C2CD2: variants seen among roughly 807,000 people sequenced by gnomAD.
The protein encoded by C2CD2 is C2 calcium dependent domain containing 2.
In C2CD2, 43 loss-of-function variants were observed where a neutral mutation model predicts 74.3. The observed-to-expected ratio is 0.58, with a 90% CI of 0.45 to 0.75. The LOEUF is 0.75. Among genes scored for constraint, C2CD2 ranks in the 30% least tolerant of loss-of-function variants. The pLI, the probability that C2CD2 is intolerant of heterozygous loss-of-function variation, is 0.00. For synonymous variants in C2CD2, 422 were observed against 390.7 expected, an observed-to-expected ratio of 1.08 and a Z score of -0.94; for missense variants, 801 against 916.3, an observed-to-expected ratio of 0.87 and a Z score of 1.63.
intron 1 of C2CD2, among the ~76,000 whole-genome samples, chr21:41,944,080 G>A (rs576336235): frequency 3.7e-4 from 57 of 152,264 alleles, no homozygotes; most frequent in African/African-American, 1.2e-3. Flanking sequence ...AGGATGCAGC[G>A]GAGAAACAAT....
In C2CD2 at chr21:41,888,836, C is replaced by T. The variant is rs2064712999; in HGVS notation, c.*288G>A. The stretch of plus-strand genomic sequence containing the variant: ...ATTATTTCACTTATAATGTTAATCT[C>T]CTTCTAATATTGAACCCTAACCCTT... On this transcript the variant is annotated 3_prime_UTR_variant, in exon 14 of 14. Coordinates refer to ENST00000380486, the MANE Select transcript of C2CD2 (RefSeq NM_015500.2). 3 of 483,604 alleles carry T rather than the reference C, an allele frequency of 6.2e-6. No homozygotes were observed. The highest frequency in any genetic ancestry group is 3.3e-5 in the Admixed American group (1 of 29,968). 30.0% of individuals were successfully genotyped at this position (483,604 alleles called of 1,614,324 possible). A position where few individuals can be genotyped will look rare whatever the true frequency, so the allele number is the denominator to read the frequency against.
intron 2 of C2CD2, among the ~76,000 whole-genome samples, chr21:41,936,909 C>T (rs1445510891): frequency 6.8e-6 from 1 of 148,110 alleles, no homozygotes; most frequent in Non-Finnish European, 1.5e-5. Flanking sequence ...ACATCCACCT[C>T]CTGGGTTCAA....
chr21:41,901,427 G>A, intron 12 of C2CD2, 195 bp downstream of exon 12: 1 of 645,162 alleles, frequency 1.5e-6, no homozygotes, highest in Non-Finnish European at 2.8e-6. Context: ...CCATGTCCTT[G>A]GTGAATAGGA....
At position 41,926,390 on chromosome 21, in the gene C2CD2, AG is replaced by A; in HGVS notation, c.379-4306del. 1.0e-6 allele frequency: 1 copy of A among 979,024 alleles called. No homozygotes were observed. Among genetic ancestry groups the A allele is most frequent in the Non-Finnish European group, 1.2e-6 (1 of 824,216 alleles). The allele number at this position is 979,024 out of a possible 1,614,324, so 60.6% of individuals were successfully genotyped here. ...TCAGGGTCTCCACATGGAAAGGCCA[AG>A]GGGGGACTCACGGTTGGCAGGTGAG... On this transcript the variant is annotated intron_variant, in intron 2 of 13. Coordinates refer to ENST00000380486, the MANE Select transcript of C2CD2 (RefSeq NM_015500.2). The surrounding 1 kb of genome is among the most constrained non-coding windows in gnomAD (Gnocchi z 8.0).
rs531903575 is a variant in C2CD2 at position 41,939,615 on chromosome 21, C to T, written c.378+2532G>A. ...TGGAGCACCTGCCGCAGGGCCCTCC[C>T]AGCTCTCCAGGCTGTGCCAGTCTCA... On this transcript the variant is annotated intron_variant, in intron 2 of 13. Coordinates refer to ENST00000380486, the MANE Select transcript of C2CD2 (RefSeq NM_015500.2). The surrounding 1 kb of genome is among the most constrained non-coding windows in gnomAD (Gnocchi z 5.5). Among the ~76,000 whole-genome samples the T allele has an allele frequency of 6.6e-6, 1 of 152,218 alleles. No individual in the cohort carries two copies. Among genetic ancestry groups the T allele is most frequent in the African/African-American group, 2.4e-5 (1 of 41,462 alleles).
intron 6 of C2CD2, among the ~76,000 whole-genome samples, chr21:41,913,090 C>T (rs997725212): frequency 6.6e-6 from 1 of 152,238 alleles, no homozygotes; most frequent in Non-Finnish European, 1.5e-5. Flanking sequence ...GGCATGGTCC[C>T]CACTTTTAGA....
At chr21:41,891,001 T>G (rs2064746334) in intron 13 of C2CD2, among the ~76,000 whole-genome samples, 1 of 152,224 alleles carries the variant, frequency 6.6e-6, no homozygotes, top group Admixed American at 6.5e-5. Flanking sequence ...CCATAATTTT[T>G]TAAAAACTTG....
intron 6 of C2CD2, among the ~76,000 whole-genome samples, chr21:41,914,236 A>G (rs1320154501): frequency 6.6e-6 from 1 of 151,818 alleles, no homozygotes; most frequent in Non-Finnish European, 1.5e-5. Context: ...CAAAAAAAAG[A>G]AAGCAGAAGC....
intron 5 of C2CD2, among the ~76,000 whole-genome samples, chr21:41,915,975 C>T (rs911579759): frequency 1.4e-4 from 21 of 152,026 alleles, no homozygotes; most frequent in African/African-American, 5.1e-4. Context: ...TTTGACTGAG[C>T]ACTGATTTGA....
At position 41,907,002 on chromosome 21, in the gene C2CD2, C is replaced by T. The variant is rs765816564; in HGVS notation, c.1308G>A (p.Pro436=). The stretch of plus-strand genomic sequence containing the variant: ...TTCCTGTTGTCTCACCAGAGCTCAG[C>T]GGGGACGCCCTCCCCACGTCGACGC... ...KPRVDVGRAS[P]LSSDSPVKTP... is the part of the protein sequence containing the mutation. The change falls in exon 10 of 14, where the codon CCG becomes CCA. Residue 436 remains proline, a synonymous_variant. Transcript: ENST00000380486. The T allele has an allele frequency of 1.2e-5, 19 of 1,612,990 alleles. No individual in the cohort carries two copies. In the Middle Eastern group the frequency reaches 6.9e-4, roughly 58 times the overall value.
rs202167715 is a variant in C2CD2 at position 41,889,146 on chromosome 21, G to A, written c.2069C>T (p.Ala690Val). The stretch of plus-strand genomic sequence containing the variant: ...GCCCTACGTGCAGGGCTCCACGGGG[G>A]CACCGTTCATGGTGTTCTTGTTTCT... Reference protein sequence around the residue: ...RHRNKNTMNGAPVEPCT With the variant: ...RHRNKNTMNGVPVEPCT Residue 690 changes from alanine to valine, a missense_variant, in exon 14 of 14, where the codon GCC (alanine) becomes GTC (valine). Ala to Val is a moderately conservative substitution (Grantham distance 64, BLOSUM62 0). Transcript: ENST00000380486. 8.7e-6 allele frequency: 14 copies of A among 1,612,262 alleles called. No homozygotes were observed. The highest frequency in any genetic ancestry group is 1.0e-5 in the Non-Finnish European group (12 of 1,179,952).
In C2CD2 at chr21:41,899,367, CA is replaced by C. The variant is rs986471046; in HGVS notation, c.1561-6del. 2.5e-6 allele frequency: 4 copies of C among 1,602,676 alleles called. No homozygotes were observed. Among genetic ancestry groups the C allele is most frequent in the South Asian group, 1.1e-5 (1 of 90,926 alleles). Reference sequence around the variant, plus strand: ...GTGGTCCTGAGATAGTGAGGTCTGTCAGGGGCAGTGGGGAAGATGACAAGGG... The same window carrying C: ...GTGGTCCTGAGATAGTGAGGTCTGTCGGGGCAGTGGGGAAGATGACAAGGG... On this transcript the variant is annotated splice_region_variant and splice_polypyrimidine_tract_variant and intron_variant, in intron 12 of 13. Transcript: ENST00000380486. This position sits in a 1 kb window ranked among gnomAD's most constrained non-coding sequence, Gnocchi z 4.4.
rs1439596747 is a variant in C2CD2, at chr21:41,899,975, C to T, written c.1561-613G>A. ...GAGGGCATGGGGGCTCCCTGAGGGC[C>T]AGTCATGCTGTTCTTGGTGTGGGTG... On this transcript the variant is annotated intron_variant, in intron 12 of 13. Transcript: ENST00000380486. This position sits in a 1 kb window ranked among gnomAD's most constrained non-coding sequence, Gnocchi z 4.4. Among the ~76,000 whole-genome samples, 4 of 151,990 alleles carry T rather than the reference C, an allele frequency of 2.6e-5. No homozygotes were observed. Among genetic ancestry groups the T allele is most frequent in the Non-Finnish European group, 5.9e-5 (4 of 68,002 alleles).
Position 41,895,475 on chromosome 21 carries a change from TC to T in C2CD2, c.1870+3577del, listed in dbSNP as rs2064811630. On this transcript the variant is annotated intron_variant, in intron 13 of 13. Coordinates refer to ENST00000380486, the MANE Select transcript of C2CD2 (RefSeq NM_015500.2). This position sits in a 1 kb window ranked among gnomAD's most constrained non-coding sequence, Gnocchi z 5.0. ...GACTACTTGACTCCAGGCTACCTTC[TC>T]TACGCCAACAGCAAGAAGCGAGATT... Among the ~76,000 whole-genome samples, 1 of 152,208 alleles carries T rather than the reference TC, an allele frequency of 6.6e-6. No homozygotes were observed. The highest frequency in any genetic ancestry group is 2.4e-5 in the African/African-American group (1 of 41,446).
Position 41,888,353 on chromosome 21 carries a change from T to C in C2CD2, c.*771A>G, listed in dbSNP as rs1249304637. ...AGGAAAAAAAACCCTGGATGTCAAC[T>C]GCTCCACTAGCATTATTAGAGCTTT... is the stretch of plus-strand genomic sequence containing the variant. On this transcript the variant is annotated 3_prime_UTR_variant, in exon 14 of 14. Coordinates refer to ENST00000380486, the MANE Select transcript of C2CD2 (RefSeq NM_015500.2). 6.6e-6 allele frequency: 1 copy of C among 152,624 alleles called. No individual in the cohort carries two copies. The highest frequency in any genetic ancestry group is 6.5e-5 in the Admixed American group (1 of 15,278). The allele number at this position is 152,624 out of a possible 1,614,324, so 9.5% of individuals were successfully genotyped here. A position where few individuals can be genotyped will look rare whatever the true frequency, so the allele number is the denominator to read the frequency against.
chr21:41,889,013 C>G lies in C2CD2; in HGVS notation c.*111G>C, dbSNP rs984975472. On this transcript the variant is annotated 3_prime_UTR_variant, in exon 14 of 14. Transcript: ENST00000380486. ...AATGACGAGATGGTTGGAAGAAACC[C>G]AGCAAGACAAGCGGGGCATCTGGAC... 1.5e-5 allele frequency: 12 copies of G among 794,372 alleles called. No individual in the cohort carries two copies. The Admixed American group carries it at 2.1e-4, about 14-fold the overall frequency. The allele number at this position is 794,372 out of a possible 1,614,324, so 49.2% of individuals were successfully genotyped here. A position where few individuals can be genotyped will look rare whatever the true frequency, so the allele number is the denominator to read the frequency against.
chr21:41,927,796 G>A lies in C2CD2; in HGVS notation c.379-5711C>T, dbSNP rs576966534. Among the ~76,000 whole-genome samples the A allele has an allele frequency of 2.4e-4, 37 of 152,216 alleles. No individual in the cohort carries two copies. The East Asian group carries it at 4.1e-3, about 17-fold the overall frequency. ...AGATGTATTTTTATAAGAAATTCTCGCAGGGGATTGAGATGAAAAGGGTTG... is the reference window on the plus strand; with the variant it reads ...AGATGTATTTTTATAAGAAATTCTCACAGGGGATTGAGATGAAAAGGGTTG... On this transcript the variant is annotated intron_variant, in intron 2 of 13. Transcript: ENST00000380486.
rs757215446 is a variant in C2CD2 at position 41,914,750 on chromosome 21, G to A, written c.721-29C>T. ...AAAAAATAAAGAGCACTTTATTTTTGGTCTTCATGGGGAGATTGAGGGCCA... is the reference window on the plus strand; with the variant it reads ...AAAAAATAAAGAGCACTTTATTTTTAGTCTTCATGGGGAGATTGAGGGCCA... On this transcript the variant is annotated intron_variant, in intron 5 of 13. Transcript: ENST00000380486. 3.1e-6 allele frequency: 5 copies of A among 1,603,912 alleles called. No individual in the cohort carries two copies. The South Asian group carries it at 5.6e-5, about 18-fold the overall frequency.
rs2064899092 is a variant in C2CD2, at chr21:41,901,650, C to T, written c.1532G>A (p.Ser511Asn). The T allele has an allele frequency of 6.2e-7, 1 of 1,614,186 alleles. No individual in the cohort carries two copies. Among genetic ancestry groups the T allele is most frequent in the Non-Finnish European group, 8.5e-7 (1 of 1,180,006 alleles). The stretch of plus-strand genomic sequence containing the variant: ...GGAGATCCCTGATATGATAATAGTG[C>T]TTTTCTTCCGTGGCGACTTGAGTTT... ...KLKLKSPRKK[S>N]TIIISGISKT... Residue 511 changes from serine (S) to asparagine (N), a missense_variant, in exon 12 of 14, where the codon AGC becomes AAC. Coordinates refer to ENST00000380486, the MANE Select transcript of C2CD2 (RefSeq NM_015500.2).
Sources: gnomAD v4.1 joint callset for allele counts (sites outside exome capture counted in the v4.1 genomes callset) on GRCh38, gnomAD v4.1.1 for gene constraint, Gnocchi (gnomAD v3.1) non-coding constraint, MANE v1.5 for transcripts, NCBI Gene and HGNC (gene_info 2026-07-23, HGNC 2026-07-21) for gene names.